The following AGBL1 variants were observed in gnomAD, a reference collection of about 807,000 sequenced individuals.
AGBL1 encodes the protein cytosolic carboxypeptidase 4.
Under a neutral mutation model 118.9 loss-of-function variants are expected in AGBL1, and 130 were observed. That is an observed-to-expected ratio of 1.09 (90% CI 0.95 to 1.26). AGBL1 has a LOEUF of 1.26. Among genes scored for constraint, AGBL1 ranks in the 50% most tolerant of loss-of-function variants. AGBL1 has a pLI of 0.00. For missense variants in AGBL1, 1,584 were observed against 1,298.1 expected, an observed-to-expected ratio of 1.22 and a Z score of -3.38; for synonymous variants, 555 against 478.9, an observed-to-expected ratio of 1.16 and a Z score of -2.08.
At chr15:86,239,319 GA>G (rs1489827980) in intron 6 of AGBL1, among the ~76,000 whole-genome samples, 3 of 152,100 alleles carry the variant, frequency 2.0e-5, no homozygotes, top group African/African-American at 7.2e-5. Flanking sequence ...TTTACAAAGA[GA>G]AAAAAAGTAC....
intron 24 of AGBL1, among the ~76,000 whole-genome samples, chr15:86,997,063 T>C (rs1208295240): frequency 1.3e-5 from 2 of 152,068 alleles, no homozygotes; most frequent in Non-Finnish European, 1.5e-5. Flanking sequence ...TGAATAGCCT[T>C]TTTTTCTTTC....
chr15:86,753,259 C>A (rs889070649), intron 22 of AGBL1, among the ~76,000 whole-genome samples: 1 of 151,948 alleles, frequency 6.6e-6, no homozygotes, highest in East Asian at 1.9e-4. Flanking sequence ...GCTGTGTTAG[C>A]CAAGGACTCT....
At chr15:86,738,020 T>C (rs528293765) in intron 22 of AGBL1, among the ~76,000 whole-genome samples, 1 of 152,110 alleles carries the variant, frequency 6.6e-6, no homozygotes, top group Admixed American at 6.5e-5. Context: ...ATATATCACA[T>C]CAACAGAATG....
chr15:86,934,910 A>C (rs1447869419), intron 23 of AGBL1, among the ~76,000 whole-genome samples: 3 of 152,224 alleles, frequency 2.0e-5, no homozygotes, highest in African/African-American at 7.2e-5. Context: ...ACGATAAGAC[A>C]TACTCCAGAT....
chr15:86,929,192 G>A (rs2080578536), intron 23 of AGBL1, among the ~76,000 whole-genome samples: 1 of 152,016 alleles, frequency 6.6e-6, no homozygotes, highest in Non-Finnish European at 1.5e-5. Flanking sequence ...CCTCAGGTCA[G>A]GTCTTGAAAC....
rs548490978 is a variant in AGBL1 at position 86,570,187 on chromosome 15, G to C, written c.2994+15650G>C. On this transcript the variant is annotated intron_variant, in intron 21 of 22. Transcript: ENST00000614907. The stretch of plus-strand genomic sequence containing the variant: ...TGGGGTATTCTCTCTGCATAAAATG[G>C]GGTGCACCCCAAACCATAATATCCC... Among the ~76,000 whole-genome samples, 6 of 152,274 alleles carry C rather than the reference G, an allele frequency of 3.9e-5. No individual in the cohort carries two copies. The East Asian group carries it at 1.2e-3, about 29-fold the overall frequency.
At chr15:86,410,807 G>GAT (rs36127489) in intron 18 of AGBL1, among the ~76,000 whole-genome samples, 3,468 of 40,212 alleles carry the variant, frequency 0.086, 140 homozygotes, top group Non-Finnish European at 0.11. Context: ...GTCAAATGTA[G>GAT]ATATATATAT....
rs141607397 is a variant in AGBL1 at position 86,390,072 on chromosome 15, T to A, written c.2375-7294T>A. ...GGAAACACTGAAAGTGATGAAAAAA[T>A]ATATATTTTAAATACTAACCAAAAG... On this transcript the variant is annotated intron_variant, in intron 17 of 22. Transcript: ENST00000614907. 7.2e-4 allele frequency among the ~76,000 whole-genome samples: 109 copies of A among 152,030 alleles called. 1 individual carries two copies. The highest frequency in any genetic ancestry group is 2.0e-3 in the African/African-American group (81 of 41,486).
chr15:86,937,369 A>G (rs565847814), intron 23 of AGBL1, among the ~76,000 whole-genome samples: 2 of 152,358 alleles, frequency 1.3e-5, no homozygotes, highest in African/African-American at 4.8e-5. Flanking sequence ...TCATTGCAGC[A>G]CTAGTCACAA....
In AGBL1 at chr15:86,546,092, A is replaced by C. The variant is rs1325216795; in HGVS notation, c.2776A>C (p.Thr926Pro). ...GGAAACCTTGTGGCAAGCAGCATGC[A>C]CTGTGGGCACATCTACTATCCTAGA... ...IKETLWQAAC[T>P]VGTSTILEEV... The change falls in exon 20 of 23, where the codon ACT becomes CCT. Residue 926 changes from threonine to proline, a missense_variant. Thr to Pro is a conservative substitution (Grantham distance 38). Coordinates refer to ENST00000614907, the MANE Select transcript of AGBL1 (RefSeq NM_001386094.1). 1 of 1,613,484 alleles carries C rather than the reference A, an allele frequency of 6.2e-7. No homozygotes were observed. The highest frequency in any genetic ancestry group is 1.1e-5 in the South Asian group (1 of 91,060).
At chr15:86,685,664 A>G (rs1331174233) in intron 22 of AGBL1, among the ~76,000 whole-genome samples, 1 of 152,130 alleles carries the variant, frequency 6.6e-6, no homozygotes, top group Admixed American at 6.5e-5. Context: ...TACTATTATG[A>G]TTAATACTAT....
At chr15:86,391,684 A>G (rs1232301138) in intron 17 of AGBL1, among the ~76,000 whole-genome samples, 1 of 118,720 alleles carries the variant, frequency 8.4e-6, no homozygotes, top group South Asian at 2.5e-4. Context: ...TCCATAGCAT[A>G]CAAGATTGTT....
rs79198258 is a variant in AGBL1, at chr15:86,779,476, T to A, written c.3158+105040T>A. 3.8e-4 allele frequency among the ~76,000 whole-genome samples: 58 copies of A among 152,368 alleles called. No individual in the cohort carries two copies. In the East Asian group the frequency reaches 8.5e-3, roughly 22 times the overall value. Reference sequence around the variant, plus strand: ...AAATCTCAGTGGGCATTTGGATAGTTTCTAGTGGGGGACCATTATAAATAG... The same window carrying A: ...AAATCTCAGTGGGCATTTGGATAGTATCTAGTGGGGGACCATTATAAATAG... On this transcript the variant is annotated intron_variant, in intron 22 of 22. Transcript: ENST00000614907.
intron 17 of AGBL1, among the ~76,000 whole-genome samples, chr15:86,298,241 T>G: frequency 2.1e-5 from 1 of 47,274 alleles, no homozygotes; most frequent in Non-Finnish European, 3.7e-5. Flanking sequence ...TACGTGTCTG[T>G]GTATAATATA....
At chr15:86,945,869 T>A (rs2080814441) in intron 23 of AGBL1, among the ~76,000 whole-genome samples, 1 of 152,196 alleles carries the variant, frequency 6.6e-6, no homozygotes, top group South Asian at 2.1e-4. Flanking sequence ...ACAAGTAGAT[T>A]CAGCTGAAGG....
At chr15:86,666,654 GAGC>G (rs777942239) in intron 21 of AGBL1, among the ~76,000 whole-genome samples, 17 of 152,260 alleles carry the variant, frequency 1.1e-4, no homozygotes, top group Non-Finnish European at 1.3e-4. Flanking sequence ...GGTTTTGCAT[GAGC>G]ATTTGCTGCT....
chr15:86,150,078 A>G (rs1226766411), intron 3 of AGBL1, among the ~76,000 whole-genome samples: 2 of 152,216 alleles, frequency 1.3e-5, no homozygotes, highest in Admixed American at 6.5e-5. Flanking sequence ...TTTGAAACCA[A>G]TGAGAAAAAA....
intron 18 of AGBL1, among the ~76,000 whole-genome samples, chr15:86,476,792 C>A (rs2082565149): frequency 1.3e-5 from 2 of 152,184 alleles, no homozygotes; most frequent in Middle Eastern, 3.2e-3. Context: ...TTCTCAGCAC[C>A]ACATTGCACT....
chr15:86,221,215 A>T (rs536814798), intron 5 of AGBL1, among the ~76,000 whole-genome samples: 1 of 152,074 alleles, frequency 6.6e-6, no homozygotes, highest in Non-Finnish European at 1.5e-5. Flanking sequence ...ATAAAAAATA[A>T]AAAATGAAAA....
Sources: allele counts gnomAD v4.1 joint callset (sites outside exome capture counted in the v4.1 genomes callset), GRCh38; gene constraint gnomAD v4.1.1; transcripts MANE v1.5; gene names NCBI Gene and HGNC (gene_info 2026-07-23, HGNC 2026-07-21).